Variants in CFAP58 observed in about 807,000 individuals in gnomAD.
CFAP58 encodes cilia- and flagella-associated protein 58.
CFAP58 carries 88 observed loss-of-function variants against 119.5 expected under a neutral mutation model. The observed-to-expected ratio is 0.74, with a 90% confidence interval of 0.62 to 0.88. The LOEUF (loss-of-function observed/expected upper bound fraction) is 0.88, where lower values mean the gene tolerates loss of function less well. CFAP58 is among the 40% of genes least tolerant of loss of function. The pLI, the probability that CFAP58 is intolerant of heterozygous loss-of-function variation, is 0.00. For missense variants in CFAP58, 990 were observed against 1,021.2 expected (o/e 0.97, Z 0.42); for synonymous variants, 365 against 366.3 (o/e 1.00, Z 0.04).
chr10:104,429,782 T>C (rs757041417), intron 15 of CFAP58, among the ~76,000 whole-genome samples: 41 of 152,302 alleles, frequency 2.7e-4, no homozygotes, highest in Non-Finnish European at 5.1e-4. Flanking sequence ...CTACCCGGGT[T>C]GACTCTTGGG....
intron 11 of CFAP58, among the ~76,000 whole-genome samples, chr10:104,396,767 T>A (rs979005354): frequency 1.3e-5 from 2 of 152,220 alleles, no homozygotes; most frequent in African/African-American, 4.8e-5. Context: ...AAACCTCAGG[T>A]CCCACCTAGG....
At chr10:104,451,135 C>A (rs556794871) in intron 17 of CFAP58, among the ~76,000 whole-genome samples, 3 of 152,266 alleles carry the variant, frequency 2.0e-5, no homozygotes, top group African/African-American at 7.2e-5. Context: ...CCAAAATCAT[C>A]CAGTTAATCT....
At chr10:104,375,733 A>G (rs2011647489) in intron 7 of CFAP58, among the ~76,000 whole-genome samples, 1 of 151,670 alleles carries the variant, frequency 6.6e-6, no homozygotes, top group African/African-American at 2.4e-5. Context: ...TACGTTTAAG[A>G]AATACATTGG....
Position 104,357,867 on chromosome 10 carries a change from A to G in CFAP58, c.10-474A>G, listed in dbSNP as rs200404798. ...TATGTACACATATATACACATATATACACATATATGTACACATATATAAAC... is the reference window on the plus strand; with the variant it reads ...TATGTACACATATATACACATATATGCACATATATGTACACATATATAAAC... On this transcript the variant is annotated intron_variant, in intron 1 of 17. Coordinates refer to ENST00000369704, the MANE Select transcript of CFAP58 (RefSeq NM_001008723.2). Among the ~76,000 whole-genome samples the G allele has an allele frequency of 2.1e-4, 27 of 127,580 alleles. 2 individuals are homozygous for G. The highest frequency in any genetic ancestry group is 2.6e-4 in the Non-Finnish European group (15 of 57,268). The allele number at this position is 127,580 out of a possible 152,430, so 83.7% of individuals were successfully genotyped here.
intron 9 of CFAP58, among the ~76,000 whole-genome samples, chr10:104,381,706 C>T (rs1044820026): frequency 6.6e-6 from 1 of 151,866 alleles, no homozygotes; most frequent in Non-Finnish European, 1.5e-5. Context: ...GGGAAACAAA[C>T]TTTACTGATA....
chr10:104,431,719 T>C (rs1453175381), intron 15 of CFAP58, among the ~76,000 whole-genome samples: 1 of 152,224 alleles, frequency 6.6e-6, no homozygotes, highest in Non-Finnish European at 1.5e-5. Flanking sequence ...GCAACTACTG[T>C]CATTAATTTG....
At chr10:104,358,797 G>A (rs1371324767) in intron 2 of CFAP58, among the ~76,000 whole-genome samples, 175 bp downstream of exon 2, 1 of 152,146 alleles carries the variant, frequency 6.6e-6, no homozygotes, top group African/African-American at 2.4e-5. Flanking sequence ...TTTAGCCTGG[G>A]TGAATCACAT....
intron 15 of CFAP58, among the ~76,000 whole-genome samples, chr10:104,412,397 C>T (rs2012475161): frequency 6.6e-6 from 1 of 151,992 alleles, no homozygotes; most frequent in Non-Finnish European, 1.5e-5. Context: ...TGTCTCAATC[C>T]CTTTTAATCA....
intron 15 of CFAP58, among the ~76,000 whole-genome samples, chr10:104,414,958 C>G (rs1256302573): frequency 6.6e-6 from 1 of 152,204 alleles, no homozygotes; most frequent in African/African-American, 2.4e-5. Flanking sequence ...TGAACACTCC[C>G]CACGCCCGTG....
rs201238978 is a variant in CFAP58 at position 104,443,262 on chromosome 10, T to TA, written c.2257-4428dup. ...TCTCTCAGAAGCAGTGGTTATTGAA[T>TA]AAAAAAAATCAACATTATCTTGAAC... On this transcript the variant is annotated intron_variant, in intron 15 of 17. Coordinates refer to ENST00000369704, the MANE Select transcript of CFAP58 (RefSeq NM_001008723.2). Among the ~76,000 whole-genome samples the TA allele has an allele frequency of 0.014, 2,159 of 152,196 alleles. 81 individuals carry two copies. The East Asian group carries it at 0.15, about 10-fold the overall frequency.
At chr10:104,370,685 A>G (rs1397990667) in intron 6 of CFAP58, among the ~76,000 whole-genome samples, 1 of 152,328 alleles carries the variant, frequency 6.6e-6, no homozygotes, top group East Asian at 1.9e-4. Context: ...TTTAGTTTAT[A>G]AAAATATAAA....
rs149197236 is a variant in CFAP58 at position 104,381,056 on chromosome 10, A to G, written c.1365+836A>G. Among the ~76,000 whole-genome samples, 661 of 152,272 alleles carry G rather than the reference A, an allele frequency of 4.3e-3. 1 individual carries two copies. Among genetic ancestry groups the G allele is most frequent in the Middle Eastern group, 0.01 (3 of 294 alleles). On this transcript the variant is annotated intron_variant, in intron 9 of 17. Transcript: ENST00000369704. ...TCCCAACTACTTGGAGGGCTGCGGT[A>G]GGAGGAACGCTTGAGCCCGGGAGGT...
At chr10:104,424,585 T>C (rs777955727) in intron 15 of CFAP58, among the ~76,000 whole-genome samples, 12 of 152,156 alleles carry the variant, frequency 7.9e-5, no homozygotes, top group Non-Finnish European at 1.3e-4. Context: ...TGAGAAGATT[T>C]CTGGGTATTT....
chr10:104,403,798 G>A lies in CFAP58; in HGVS notation c.2109G>A (p.Glu703=). ...ERTRCRALEE[E]LENPLNVHRW... is the part of the protein sequence containing the mutation. Reference sequence around the variant, plus strand: ...CACGCTGCCGAGCCCTGGAGGAGGAGCTGGAGAATCCCCTGAATGTGCACA... The same window carrying A: ...CACGCTGCCGAGCCCTGGAGGAGGAACTGGAGAATCCCCTGAATGTGCACA... The change falls in exon 14 of 18, where the codon GAG becomes GAA. Residue 703 remains glutamate (E), a synonymous_variant. Coordinates refer to ENST00000369704, the MANE Select transcript of CFAP58 (RefSeq NM_001008723.2). 1 of 1,611,958 alleles carries A rather than the reference G, an allele frequency of 6.2e-7. No homozygotes were observed. The highest frequency in any genetic ancestry group is 8.5e-7 in the Non-Finnish European group (1 of 1,178,916).
At chr10:104,382,183 C>A in intron 9 of CFAP58, 5 of 717,346 alleles carry the variant, frequency 7.0e-6, no homozygotes, top group South Asian at 4.4e-5. Flanking sequence ...AAACAGTGGA[C>A]CCTCAGGGAG....
rs775283811 is a variant in CFAP58 at position 104,406,610 on chromosome 10, C to T, written c.2152-79C>T. 1.3e-3 allele frequency: 1,386 copies of T among 1,107,558 alleles called. 1 individual carries two copies. The highest frequency in any genetic ancestry group is 1.6e-3 in the Non-Finnish European group (1,164 of 738,194). 68.6% of individuals were successfully genotyped at this position (1,107,558 alleles called of 1,614,324 possible). A position where few individuals can be genotyped will look rare whatever the true frequency, so the allele number is the denominator to read the frequency against. On this transcript the variant is annotated intron_variant, in intron 14 of 17. Transcript: ENST00000369704. The stretch of plus-strand genomic sequence containing the variant: ...AGGTTTGCAACAGATTTTAATAAGA[C>T]AATGTGCATTTTACATAGAGGCCTC...
chr10:104,357,814 T>C (rs946408313), intron 1 of CFAP58, among the ~76,000 whole-genome samples: 4 of 149,928 alleles, frequency 2.7e-5, no homozygotes, highest in Non-Finnish European at 3.0e-5. Context: ...CACATATATA[T>C]GTACATATAT....
chr10:104,374,583 T>C (rs1045928741), intron 7 of CFAP58, among the ~76,000 whole-genome samples: 10 of 148,958 alleles, frequency 6.7e-5, no homozygotes, highest in African/African-American at 2.5e-4. Context: ...CATGAAGAAG[T>C]AGTAAACTTC....
intron 15 of CFAP58, among the ~76,000 whole-genome samples, chr10:104,423,386 A>T (rs2012691570): frequency 1.3e-5 from 2 of 152,186 alleles, no homozygotes; most frequent in Non-Finnish European, 2.9e-5. Context: ...ATTTATAGTT[A>T]TTGAGCTGTA....
Sources: allele counts gnomAD v4.1 joint callset (sites outside exome capture counted in the v4.1 genomes callset), GRCh38; gene constraint gnomAD v4.1.1; transcripts MANE v1.5; gene names NCBI Gene and HGNC (gene_info 2026-07-23, HGNC 2026-07-21).